Variants in STXBP5L observed in about 807,000 individuals in gnomAD.
STXBP5L encodes syntaxin-binding protein 5-like.
STXBP5L carries 65 observed loss-of-function variants against 144.5 expected under a neutral mutation model. The observed-to-expected ratio is 0.45, with a 90% confidence interval of 0.37 to 0.55. STXBP5L has a LOEUF of 0.55. Among genes scored for constraint, STXBP5L ranks in the 20% least tolerant of loss-of-function variants. STXBP5L has a pLI of 0.00. For synonymous variants in STXBP5L, 505 were observed against 469.6 expected (o/e 1.08, Z -0.97); for missense variants, 1,298 against 1,405.5 (o/e 0.92, Z 1.22).
At chr3:121,157,214 A>G (rs1423816128) in intron 8 of STXBP5L, among the ~76,000 whole-genome samples, 4 of 152,030 alleles carry the variant, frequency 2.6e-5, no homozygotes, top group African/African-American at 9.7e-5. Flanking sequence ...TACACTTTTT[A>G]TAGGATTAAA....
chr3:121,205,770 A>G (rs1048592983), intron 9 of STXBP5L, among the ~76,000 whole-genome samples, 153 bp from the exon 10 acceptor site: 2 of 152,198 alleles, frequency 1.3e-5, no homozygotes, highest in East Asian at 1.9e-4. Flanking sequence ...CAACAAAAAT[A>G]TTGGGATTCA....
intron 5 of STXBP5L, among the ~76,000 whole-genome samples, chr3:121,074,877 C>T (rs80230880): frequency 0.1 from 15,162 of 152,236 alleles, 950 homozygotes; most frequent in Non-Finnish European, 0.14. Context: ...TGCTGTCCTC[C>T]AATCACACAT....
chr3:121,356,120 G>A (rs145279876), intron 20 of STXBP5L, among the ~76,000 whole-genome samples: 2 of 152,366 alleles, frequency 1.3e-5, no homozygotes, highest in East Asian at 1.9e-4. Flanking sequence ...CTACTGGGAG[G>A]TGTCTGCCAG....
At chr3:121,404,132 G>A (rs2046944805) in intron 22 of STXBP5L, among the ~76,000 whole-genome samples, 10 of 152,032 alleles carry the variant, frequency 6.6e-5, no homozygotes, top group Admixed American at 6.6e-4. Flanking sequence ...TCAAACCTGA[G>A]CTCCTGGTAT....
chr3:121,133,172 C>G (rs115621728), intron 7 of STXBP5L, among the ~76,000 whole-genome samples: 2 of 151,988 alleles, frequency 1.3e-5, no homozygotes, highest in African/African-American at 4.8e-5. Flanking sequence ...GAGTTTGAGA[C>G]CAGCCTGGAC....
intron 14 of STXBP5L, among the ~76,000 whole-genome samples, chr3:121,249,053 G>A (rs923692398): frequency 1.3e-5 from 2 of 152,094 alleles, no homozygotes; most frequent in African/African-American, 4.8e-5. Context: ...TAGCCTTATA[G>A]TATAGTTTGA....
rs570533709 is a variant in STXBP5L, at chr3:121,101,122, G to T, written c.471-13803G>T. ...GAAAAATCTGCCAAACAAAAAAAAA[G>T]CTCCAGACAAGATGGAGTCACAGTC... On this transcript the variant is annotated intron_variant, in intron 5 of 26. Coordinates refer to ENST00000471454, the MANE Select transcript of STXBP5L (RefSeq NM_001308330.2). Among the ~76,000 whole-genome samples, 7 of 151,220 alleles carry T rather than the reference G, an allele frequency of 4.6e-5. No homozygotes were observed. In the East Asian group the frequency reaches 9.7e-4, roughly 21 times the overall value.
intron 9 of STXBP5L, among the ~76,000 whole-genome samples, chr3:121,178,375 T>TG (rs2047016232): frequency 2.0e-5 from 3 of 152,222 alleles, no homozygotes; most frequent in African/African-American, 4.8e-5. Context: ...GAGTGAAAGA[T>TG]GATGGCACAT....
chr3:121,068,712 T>G (rs982537404), intron 5 of STXBP5L, among the ~76,000 whole-genome samples: 3 of 152,120 alleles, frequency 2.0e-5, no homozygotes, highest in Non-Finnish European at 4.4e-5. Context: ...TAGTTTAGTA[T>G]GTTAATATTG....
At position 121,069,718 on chromosome 3, in the gene STXBP5L, T is replaced by A. The variant is rs547663325; in HGVS notation, c.470+24183T>A. Among the ~76,000 whole-genome samples, 219 of 152,240 alleles carry A rather than the reference T, an allele frequency of 1.4e-3. 1 individual carries two copies. Among genetic ancestry groups the A allele is most frequent in the Middle Eastern group, 3.4e-3 (1 of 294 alleles). On this transcript the variant is annotated intron_variant, in intron 5 of 26. Coordinates refer to ENST00000471454, the MANE Select transcript of STXBP5L (RefSeq NM_001308330.2). ...TTTTCTCTGATTTTTTTTCTAAAAG[T>A]TTTTATGGTTTTACATTTAAAATTA...
rs1032881467 is a variant in STXBP5L at position 121,240,383 on chromosome 3, T to G, written c.1333-57T>G. 21 of 1,497,210 alleles carry G rather than the reference T, an allele frequency of 1.4e-5. No individual in the cohort carries two copies. The Admixed American group carries it at 3.8e-4, about 27-fold the overall frequency. 92.7% of individuals were successfully genotyped at this position (1,497,210 alleles called of 1,614,324 possible). On this transcript the variant is annotated intron_variant, in intron 13 of 26. Transcript: ENST00000471454. ...ATCATTATTTTAAGCTATTTTCATT[T>G]TAAATTTCTAAGCCATTTAAACATG...
In STXBP5L at chr3:121,044,884, C is replaced by A. The variant is rs141809260; in HGVS notation, c.370-551C>A. Among the ~76,000 whole-genome samples, 1,227 of 152,082 alleles carry A rather than the reference C, an allele frequency of 8.1e-3. 65 individuals are homozygous for A. The highest frequency in any genetic ancestry group is 0.071 in the Admixed American group (1,079 of 15,250). On this transcript the variant is annotated intron_variant, in intron 4 of 26. Transcript: ENST00000471454. ...TAAATTCTAGTTGGAGAAATGTTTT[C>A]TTTTATTATGGATATTTCCTTTATA...
chr3:121,047,621 T>A (rs1222117830), intron 5 of STXBP5L, among the ~76,000 whole-genome samples: 2 of 152,192 alleles, frequency 1.3e-5, no homozygotes, highest in Non-Finnish European at 2.9e-5. Context: ...CTTCCTTGTC[T>A]TTTTTGATCT....
At chr3:121,012,334 G>A (rs1048422786) in intron 3 of STXBP5L, among the ~76,000 whole-genome samples, 3 of 151,830 alleles carry the variant, frequency 2.0e-5, no homozygotes, top group Non-Finnish European at 4.4e-5. Flanking sequence ...TATTCAGGAA[G>A]GGAATTGCTG....
At chr3:121,037,432 G>C (rs1285438743) in intron 3 of STXBP5L, among the ~76,000 whole-genome samples, 3 of 151,710 alleles carry the variant, frequency 2.0e-5, no homozygotes, top group Non-Finnish European at 4.4e-5. Flanking sequence ...ATCTTTTAAA[G>C]TTTTGTAGAG....
intron 18 of STXBP5L, among the ~76,000 whole-genome samples, chr3:121,264,862 A>C (rs186253543): frequency 2.2e-3 from 339 of 152,056 alleles, no homozygotes; most frequent in African/African-American, 7.8e-3. Context: ...ACCTTAAACA[A>C]CCAAAGATCA....
At chr3:120,988,680 T>C (rs1007816105) in intron 3 of STXBP5L, among the ~76,000 whole-genome samples, 2 of 152,136 alleles carry the variant, frequency 1.3e-5, no homozygotes, top group African/African-American at 4.8e-5. Context: ...AAAATTTTTT[T>C]AGAGATGAAA....
chr3:121,203,482 A>G (rs576772404), intron 9 of STXBP5L, among the ~76,000 whole-genome samples: 3 of 152,260 alleles, frequency 2.0e-5, no homozygotes, highest in South Asian at 2.1e-4. Flanking sequence ...GTTGTTTAAT[A>G]CCCTAACACT....
chr3:121,131,362 G>T (rs1036103605), intron 7 of STXBP5L, among the ~76,000 whole-genome samples: 3 of 152,092 alleles, frequency 2.0e-5, no homozygotes, highest in Non-Finnish European at 4.4e-5. Flanking sequence ...AAATGAGAAA[G>T]TTATTAAATT....
Sources: allele counts gnomAD v4.1 joint callset (sites outside exome capture counted in the v4.1 genomes callset), GRCh38; gene constraint gnomAD v4.1.1; transcripts MANE v1.5; gene names NCBI Gene and HGNC (gene_info 2026-07-23, HGNC 2026-07-21).